The following MYO3A variants were observed in gnomAD, a reference collection of about 807,000 sequenced individuals.
MYO3A encodes myosin-IIIa.
Under a neutral mutation model 192.7 loss-of-function variants are expected in MYO3A, and 180 were observed. The ratio of observed to expected loss-of-function variants is 0.93; its 90% CI spans 0.83 to 1.06. The LOEUF is 1.06. Ranked by LOEUF, MYO3A falls within the 50% of genes least tolerant of loss-of-function variation. The pLI is 0.00. For missense variants in MYO3A, 1,896 were observed against 1,905.0 expected (o/e 1.00, Z 0.09); for synonymous variants, 628 against 645.3 (o/e 0.97, Z 0.41).
intron 17 of MYO3A, among the ~76,000 whole-genome samples, chr10:26,106,395 A>G (rs545922029): frequency 6.6e-6 from 1 of 152,188 alleles, no homozygotes; most frequent in Non-Finnish European, 1.5e-5. Context: ...GGTTTTTATT[A>G]TAAGGGAAAT....
chr10:26,105,125 A>G (rs1271839590), intron 17 of MYO3A, among the ~76,000 whole-genome samples: 1 of 152,160 alleles, frequency 6.6e-6, no homozygotes, highest in East Asian at 1.9e-4. Context: ...ATGACTGGGC[A>G]TATAACTATA....
intron 2 of MYO3A, among the ~76,000 whole-genome samples, chr10:25,937,499 A>G (rs1418197764): frequency 1.3e-5 from 2 of 152,146 alleles, no homozygotes; most frequent in African/African-American, 2.4e-5. Flanking sequence ...GCTTATATCA[A>G]CTCTGAGAAT....
At chr10:26,059,263 T>G (rs940163242) in intron 10 of MYO3A, among the ~76,000 whole-genome samples, 1 of 152,200 alleles carries the variant, frequency 6.6e-6, no homozygotes, top group African/African-American at 2.4e-5. Flanking sequence ...TTGCTTTGTT[T>G]CTGATCTTAG....
chr10:26,116,138 C>CATACTTTGTAGCTTAA (rs1396019898), intron 17 of MYO3A, among the ~76,000 whole-genome samples: 2 of 151,862 alleles, frequency 1.3e-5, no homozygotes, highest in Admixed American at 1.3e-4. Context: ...AACAAACTAC[C>CATACTTTGTAGCTTAA]ACATACTTTG....
intron 10 of MYO3A, among the ~76,000 whole-genome samples, chr10:26,051,069 A>T (rs943026073): frequency 4.6e-5 from 7 of 152,214 alleles, no homozygotes; most frequent in East Asian, 1.9e-4. Flanking sequence ...GTAGTCAGTG[A>T]AAAAGCCTTC....
At chr10:26,062,051 G>A (rs1009281539) in intron 10 of MYO3A, among the ~76,000 whole-genome samples, 5 of 151,980 alleles carry the variant, frequency 3.3e-5, no homozygotes, top group Non-Finnish European at 7.4e-5. Flanking sequence ...GTTGTGGGGG[G>A]ATATACAGTC....
Position 25,942,082 on chromosome 10 carries a change from A to G in MYO3A, c.-18+6252A>G, listed in dbSNP as rs923577828. On this transcript the variant is annotated intron_variant, in intron 2 of 34. Transcript: ENST00000642920. ...AGTGGCATGAGTTCAGATCACTGCAATCTCTGCCTCCTGGGTTCAAGTGAT... is the reference window on the plus strand; with the variant it reads ...AGTGGCATGAGTTCAGATCACTGCAGTCTCTGCCTCCTGGGTTCAAGTGAT... 4.6e-5 allele frequency among the ~76,000 whole-genome samples: 7 copies of G among 151,068 alleles called. No individual in the cohort carries two copies. In the East Asian group the frequency reaches 1.2e-3, roughly 25 times the overall value.
At chr10:26,026,804 C>T (rs931664664) in intron 10 of MYO3A, among the ~76,000 whole-genome samples, 14 of 152,044 alleles carry the variant, frequency 9.2e-5, no homozygotes, top group Admixed American at 8.5e-4. Context: ...CGGGTTCAAG[C>T]GATTCTCCTG....
Position 26,212,157 on chromosome 10 carries a change from CCTCGGGAAACCTCCCCCGACGCTCTCT to C in MYO3A, c.*200_*226del, listed in dbSNP as rs1169504879. ...GCTCCGAAACAAGAGACCTGGGAGC[CCTCGGGAAACCTCCCCCGACGCTCTCT>C]CTCGGAACTCCCGCACCCTCCTTTC... is the stretch of plus-strand genomic sequence containing the variant. On this transcript the variant is annotated 3_prime_UTR_variant, in exon 35 of 35. Coordinates refer to ENST00000642920, the MANE Select transcript of MYO3A (RefSeq NM_017433.5). 4.4e-4 allele frequency: 329 copies of C among 743,304 alleles called. 1 individual carries two copies. The African/African-American group carries it at 5.2e-3, about 12-fold the overall frequency. The allele number at this position is 743,304 out of a possible 1,614,324, so 46.0% of individuals were successfully genotyped here. A position where few individuals can be genotyped will look rare whatever the true frequency, so the allele number is the denominator to read the frequency against.
chr10:26,048,371 C>A (rs1213266155), intron 10 of MYO3A, among the ~76,000 whole-genome samples: 1 of 147,412 alleles, frequency 6.8e-6, no homozygotes. Context: ...TTTTTTTAAG[C>A]GAAAAATCTG....
chr10:26,187,712 A>T (rs545484282), intron 31 of MYO3A, among the ~76,000 whole-genome samples: 5 of 136,874 alleles, frequency 3.7e-5, no homozygotes, highest in African/African-American at 1.4e-4. Flanking sequence ...TCATTGTTCA[A>T]TTCCCACCTG....
chr10:26,103,416 A>G (rs761447113), intron 17 of MYO3A, among the ~76,000 whole-genome samples: 19 of 152,100 alleles, frequency 1.2e-4, no homozygotes, highest in Admixed American at 7.2e-4. Context: ...AGTGAGATGA[A>G]CCTGGTACCT....
At chr10:25,988,130 A>G (rs1839768399) in intron 4 of MYO3A, among the ~76,000 whole-genome samples, 1 of 152,184 alleles carries the variant, frequency 6.6e-6, no homozygotes, top group Non-Finnish European at 1.5e-5. Flanking sequence ...CAAACATCAT[A>G]TATTCTCACT....
chr10:25,955,069 G>A, intron 4 of MYO3A, 61 bp downstream of exon 4: 1 of 1,575,066 alleles, frequency 6.3e-7, no homozygotes, highest in Non-Finnish European at 8.7e-7. Flanking sequence ...GAAATGACTT[G>A]TTATACTATT....
At position 25,997,562 on chromosome 10, in the gene MYO3A, G is replaced by T. The variant is rs958763858; in HGVS notation, c.508+304G>T. Among the ~76,000 whole-genome samples the T allele has an allele frequency of 5.3e-5, 8 of 152,276 alleles. No homozygotes were observed. The East Asian group carries it at 1.2e-3, about 22-fold the overall frequency. On this transcript the variant is annotated intron_variant, in intron 6 of 34. Transcript: ENST00000642920. ...GTAAGCCTATAATGACAATCTCATG[G>T]TTCCTACTAGTGATTGCTTTGCAAA...
intron 6 of MYO3A, among the ~76,000 whole-genome samples, chr10:26,000,897 G>C (rs1357804369): frequency 2.6e-5 from 4 of 152,278 alleles, no homozygotes; most frequent in South Asian, 2.1e-4. Context: ...GGCTGGGGAG[G>C]CTTCAGGAAA....
chr10:26,210,636 T>A (rs756148088), intron 34 of MYO3A, among the ~76,000 whole-genome samples: 8 of 152,216 alleles, frequency 5.3e-5, no homozygotes, highest in Non-Finnish European at 1.0e-4. Flanking sequence ...AACCCTTCAA[T>A]GTTTCTCTCA....
chr10:26,036,858 TG>T (rs1168535372), intron 10 of MYO3A, among the ~76,000 whole-genome samples: 1 of 152,218 alleles, frequency 6.6e-6, no homozygotes, highest in East Asian at 1.9e-4. Flanking sequence ...ATTCTGTTCT[TG>T]GGAATATACT....
intron 4 of MYO3A, among the ~76,000 whole-genome samples, chr10:25,966,591 A>G (rs1838281936): frequency 6.6e-6 from 1 of 152,214 alleles, no homozygotes; most frequent in African/African-American, 2.4e-5. Context: ...AAAAAACTGA[A>G]CAGTTTTAGT....
Sources: gnomAD v4.1 joint callset for allele counts (sites outside exome capture counted in the v4.1 genomes callset) on GRCh38, gnomAD v4.1.1 for gene constraint, MANE v1.5 for transcripts, NCBI Gene and HGNC (gene_info 2026-07-23, HGNC 2026-07-21) for gene names.